The following RALYL variants were observed in gnomAD, a reference collection of about 807,000 sequenced individuals.
RALYL encodes the protein RALY RNA binding protein like.
A neutral mutation model predicts 35.1 loss-of-function variants in RALYL; 29 were observed. The ratio of observed to expected loss-of-function variants is 0.83; its 90% CI spans 0.61 to 1.13. RALYL has a LOEUF of 1.13. Among genes scored for constraint, RALYL ranks in the 50% most tolerant of loss-of-function variants. The probability of loss-of-function intolerance (pLI) is 0.00; values close to 1 mark genes in which losing one functional copy is unlikely to be tolerated. For missense variants in RALYL, 359 were observed against 360.4 expected, an observed-to-expected ratio of 1.00 and a Z score of 0.03; for synonymous variants, 120 against 127.6, an observed-to-expected ratio of 0.94 and a Z score of 0.40.
chr8:84,637,899 G>T (rs1825415346), intron 2 of RALYL, among the ~76,000 whole-genome samples: 1 of 151,856 alleles, frequency 6.6e-6, no homozygotes, highest in Non-Finnish European at 1.5e-5. Context: ...GGAGTGTATG[G>T]TAAGAAAGAG....
intron 1 of RALYL, among the ~76,000 whole-genome samples, chr8:84,488,250 G>A (rs10090567): frequency 0.039 from 5,981 of 151,996 alleles, 237 homozygotes; most frequent in African/African-American, 0.098. Flanking sequence ...ATACAAATAC[G>A]GTTGAATATT....
intron 1 of RALYL, among the ~76,000 whole-genome samples, chr8:84,211,417 A>T (rs1018481437): frequency 4.6e-5 from 7 of 152,132 alleles, no homozygotes; most frequent in Admixed American, 6.6e-5. Context: ...TTGGTTGTTT[A>T]AATGACTGCA....
intron 2 of RALYL, among the ~76,000 whole-genome samples, chr8:84,752,832 A>G (rs187413083): frequency 7.9e-5 from 12 of 152,318 alleles, no homozygotes; most frequent in African/African-American, 2.9e-4. Flanking sequence ...CAACGGATGT[A>G]TGGAAAAGCC....
At chr8:84,259,820 G>A (rs762117702) in intron 1 of RALYL, among the ~76,000 whole-genome samples, 1 of 152,156 alleles carries the variant, frequency 6.6e-6, no homozygotes, top group Non-Finnish European at 1.5e-5. Context: ...ATAACATGCT[G>A]TGTGTTTCAG....
chr8:84,916,647 C>T (rs574955387), intron 8 of RALYL, among the ~76,000 whole-genome samples: 1 of 152,156 alleles, frequency 6.6e-6, no homozygotes, highest in East Asian at 1.9e-4. Context: ...AACTGTAAAT[C>T]CACTAAACCC....
Position 84,183,636 on chromosome 8 carries a change from T to G in RALYL, c.-812T>G, listed in dbSNP as rs1278906163. ...TTCTTTTTTTTGTCCTTTTTTTTGG[T>G]TTTTTGTTTTTTTTGTTTTTGTTTT... On this transcript the variant is annotated 5_prime_UTR_variant, in exon 1 of 9. Transcript: ENST00000521268. The G allele has an allele frequency of 6.6e-6, 1 of 152,370 alleles. No individual in the cohort carries two copies. Among genetic ancestry groups the G allele is most frequent in the African/African-American group, 2.4e-5 (1 of 41,406 alleles). 9.4% of individuals were successfully genotyped at this position (152,370 alleles called of 1,614,324 possible).
At chr8:84,560,419 TATAG>T (rs1262494515) in intron 2 of RALYL, among the ~76,000 whole-genome samples, 1 of 152,038 alleles carries the variant, frequency 6.6e-6, no homozygotes, top group Non-Finnish European at 1.5e-5. Flanking sequence ...TGGGTATTTC[TATAG>T]ATACCAAAAG....
At chr8:84,437,733 C>A (rs549708297) in intron 1 of RALYL, among the ~76,000 whole-genome samples, 1 of 152,206 alleles carries the variant, frequency 6.6e-6, no homozygotes, top group African/African-American at 2.4e-5. Flanking sequence ...TTGGTGCTGT[C>A]TTCATGATAG....
chr8:84,231,212 A>G (rs1465880272), intron 1 of RALYL, among the ~76,000 whole-genome samples: 1 of 152,198 alleles, frequency 6.6e-6, no homozygotes, highest in African/African-American at 2.4e-5. Context: ...TGAGACTAGA[A>G]GATAAAGAAA....
At chr8:84,515,705 A>G (rs1046469414) in intron 1 of RALYL, among the ~76,000 whole-genome samples, 1 of 152,164 alleles carries the variant, frequency 6.6e-6, no homozygotes, top group African/African-American at 2.4e-5. Context: ...ATAGTACAAA[A>G]AAAATTATTA....
chr8:84,445,845 A>T (rs955235120), intron 1 of RALYL, among the ~76,000 whole-genome samples: 6 of 151,518 alleles, frequency 4.0e-5, no homozygotes, highest in African/African-American at 1.4e-4. Context: ...TCACAAGTAA[A>T]GTTATATATA....
At chr8:84,234,780 T>G (rs2131479537) in intron 1 of RALYL, among the ~76,000 whole-genome samples, 1 of 151,982 alleles carries the variant, frequency 6.6e-6, no homozygotes, top group East Asian at 1.9e-4. Flanking sequence ...TTTTTTTTTT[T>G]TTGAGATGGA....
chr8:84,904,467 G>C (rs1846161980), intron 8 of RALYL, among the ~76,000 whole-genome samples: 1 of 152,198 alleles, frequency 6.6e-6, no homozygotes, highest in South Asian at 2.1e-4. Context: ...AGCAAATAAT[G>C]TAAATATAAG....
intron 2 of RALYL, among the ~76,000 whole-genome samples, chr8:84,657,971 G>C (rs2131614700): frequency 6.6e-6 from 1 of 152,106 alleles, no homozygotes; most frequent in East Asian, 1.9e-4. Context: ...ATTCTGTCTT[G>C]GTCAAGGGGA....
chr8:84,907,240 A>C (rs7838197), intron 8 of RALYL, among the ~76,000 whole-genome samples: 6,177 of 151,912 alleles, frequency 0.041, 396 homozygotes, highest in African/African-American at 0.14. Context: ...TTTGGGCCTT[A>C]GTTGTTTCAA....
intron 2 of RALYL, among the ~76,000 whole-genome samples, chr8:84,709,085 ATAC>A (rs1841713346): frequency 6.6e-6 from 1 of 152,180 alleles, no homozygotes; most frequent in Non-Finnish European, 1.5e-5. Context: ...AGAAATCTAA[ATAC>A]TAGTCATCAT....
chr8:84,755,292 G>T (rs778503305), intron 2 of RALYL, among the ~76,000 whole-genome samples: 1 of 152,080 alleles, frequency 6.6e-6, no homozygotes, highest in Non-Finnish European at 1.5e-5. Context: ...GTATATACAT[G>T]GTAGGAAAAT....
rs79872326 is a variant in RALYL, at chr8:84,702,204, C to T, written c.257-72375C>T. Among the ~76,000 whole-genome samples the T allele has an allele frequency of 3.8e-3, 578 of 152,278 alleles. 6 individuals carry two copies. Among genetic ancestry groups the T allele is most frequent in the African/African-American group, 0.013 (548 of 41,580 alleles). On this transcript the variant is annotated intron_variant, in intron 2 of 8. Transcript: ENST00000521268. Reference sequence around the variant, plus strand: ...CTTTTTAAATCACACAGCATTCACTCCCTGTGTCACATTCTGGCAAACATG... The same window carrying T: ...CTTTTTAAATCACACAGCATTCACTTCCTGTGTCACATTCTGGCAAACATG...
At chr8:84,501,350 A>G (rs1292601047) in intron 1 of RALYL, among the ~76,000 whole-genome samples, 1 of 152,136 alleles carries the variant, frequency 6.6e-6, no homozygotes, top group Non-Finnish European at 1.5e-5. Context: ...AACTTTCCAC[A>G]TAGATTTTCT....
Sources: allele counts gnomAD v4.1 joint callset (sites outside exome capture counted in the v4.1 genomes callset), GRCh38; gene constraint gnomAD v4.1.1; transcripts MANE v1.5; gene names NCBI Gene and HGNC (gene_info 2026-07-23, HGNC 2026-07-21).